CYP4Z1: variants seen among roughly 807,000 people sequenced by gnomAD.
The protein encoded by CYP4Z1 is cytochrome P450 4Z1.
Under a neutral mutation model 54.2 loss-of-function variants are expected in CYP4Z1, and 41 were observed. That is an observed-to-expected ratio of 0.76 (90% CI 0.59 to 0.98). The LOEUF (loss-of-function observed/expected upper bound fraction) is 0.98. Ranked by LOEUF, CYP4Z1 falls within the 50% of genes least tolerant of loss-of-function variation. The pLI is 0.00. For missense variants in CYP4Z1, 513 were observed against 599.0 expected, an observed-to-expected ratio of 0.86 and a Z score of 1.50; for synonymous variants, 163 against 206.2, an observed-to-expected ratio of 0.79 and a Z score of 1.79.
At chr1:47,105,923 G>C (rs559603972) in intron 8 of CYP4Z1, among the ~76,000 whole-genome samples, 17 of 152,076 alleles carry the variant, frequency 1.1e-4, no homozygotes, top group African/African-American at 1.7e-4. Context: ...ATCTGCGGGG[G>C]GGGGAGAATC....
At chr1:47,107,757 G>A (rs1021817194) in intron 9 of CYP4Z1, among the ~76,000 whole-genome samples, 9 of 151,232 alleles carry the variant, frequency 6.0e-5, no homozygotes, top group East Asian at 3.9e-4. Flanking sequence ...AAAATCCCCC[G>A]ACCCATACAA....
At chr1:47,104,917 C>CTT (rs34454678) in intron 8 of CYP4Z1, among the ~76,000 whole-genome samples, 1 of 149,932 alleles carries the variant, frequency 6.7e-6, no homozygotes, top group Non-Finnish European at 1.5e-5. Flanking sequence ...GCTGGGGCTG[C>CTT]TTTTTTTTTT....
intron 6 of CYP4Z1, among the ~76,000 whole-genome samples, chr1:47,092,654 T>C: frequency 6.6e-6 from 1 of 152,266 alleles, no homozygotes; most frequent in East Asian, 1.9e-4. Flanking sequence ...GTTTTTGCTA[T>C]TTCTTCACTT....
intron 2 of CYP4Z1, among the ~76,000 whole-genome samples, chr1:47,077,511 C>G (rs1448823346): frequency 1.3e-5 from 2 of 152,040 alleles, no homozygotes; most frequent in Non-Finnish European, 2.9e-5. Flanking sequence ...TTTTTTTACT[C>G]CATTCTGCCA....
chr1:47,057,335 A>AAAAAAAAAAAAAAATAT, the CYP4Z1 span, among the ~76,000 whole-genome samples: 10 of 28,456 alleles, frequency 3.5e-4, no homozygotes, highest in Non-Finnish European at 5.1e-4. Context: ...AAGAAAAAAA[A>AAAAAAAAAAAAAAATAT]ATATATATAT....
At chr1:47,084,469 G>A (rs1644577094) in intron 4 of CYP4Z1, 151 bp from the exon 5 acceptor site, 2 of 1,026,686 alleles carry the variant, frequency 1.9e-6, no homozygotes, top group South Asian at 1.7e-5. Context: ...CTGACAAGGT[G>A]TTTCATTTTA....
intron 6 of CYP4Z1, among the ~76,000 whole-genome samples, chr1:47,087,566 G>A (rs1359546975): frequency 6.6e-6 from 1 of 152,190 alleles, no homozygotes; most frequent in South Asian, 2.1e-4. Context: ...CTTTGCTGAA[G>A]TTGCTTATCA....
intron 9 of CYP4Z1, among the ~76,000 whole-genome samples, chr1:47,113,679 C>G (rs1333225785): frequency 2.0e-5 from 3 of 152,102 alleles, no homozygotes; most frequent in Admixed American, 1.3e-4. Context: ...AAATCATGAG[C>G]GAACTCCCAT....
chr1:47,115,334 A>C, intron 9 of CYP4Z1, 195 bp from the exon 10 acceptor site: 1 of 468,028 alleles, frequency 2.1e-6, no homozygotes, highest in Non-Finnish European at 3.9e-6. Context: ...ATTAGGAGAT[A>C]TACCTAATGT....
In CYP4Z1 at chr1:47,106,271, C is replaced by CTTTT; in HGVS notation, c.1201+23_1201+26dup. The stretch of plus-strand genomic sequence containing the variant: ...CGCTCCTTACCTGCAGGTCTTAAAA[C>CTTTT]TTTTTTTTTTTTTTTTAACAATGCA... On this transcript the variant is annotated intron_variant, in intron 9 of 11. Transcript: ENST00000334194. The CTTTT allele has an allele frequency of 2.6e-6, 4 of 1,514,510 alleles. No homozygotes were observed. The highest frequency in any genetic ancestry group is 3.6e-6 in the Non-Finnish European group (4 of 1,123,476). The allele number at this position is 1,514,510 out of a possible 1,614,324, so 93.8% of individuals were successfully genotyped here.
At chr1:47,103,620 G>A (rs10890456) in intron 8 of CYP4Z1, among the ~76,000 whole-genome samples, 55,603 of 120,540 alleles carry the variant, frequency 0.46, 12,703 homozygotes, top group East Asian at 0.96. Context: ...TTTAGACAGA[G>A]TTTTGCTCTT....
At chr1:47,093,826 C>T (rs1196873662) in intron 6 of CYP4Z1, among the ~76,000 whole-genome samples, 5 of 152,218 alleles carry the variant, frequency 3.3e-5, no homozygotes, top group Non-Finnish European at 2.9e-5. Context: ...TGGAAAGCCA[C>T]AACGTACTGC....
intron 6 of CYP4Z1, among the ~76,000 whole-genome samples, chr1:47,090,282 A>C (rs1348941165): frequency 6.6e-6 from 1 of 152,248 alleles, no homozygotes; most frequent in Non-Finnish European, 1.5e-5. Context: ...CCTTGACTAA[A>C]TCTTTCCTGC....
chr1:47,107,724 A>G (rs1053162511), intron 9 of CYP4Z1, among the ~76,000 whole-genome samples: 1 of 152,086 alleles, frequency 6.6e-6, no homozygotes, highest in Non-Finnish European at 1.5e-5. Context: ...AGATCACCTA[A>G]GCCCTGTAAT....
chr1:47,117,647 C>CA, intron 11 of CYP4Z1, 119 bp from the exon 12 acceptor site: 1 of 1,073,914 alleles, frequency 9.3e-7, no homozygotes, highest in South Asian at 2.2e-5. Context: ...AGCAGGATGA[C>CA]AGAAAAAAAA....
chr1:47,067,104 TAAAC>T (rs1342386175), upstream of CYP4Z1, among the ~76,000 whole-genome samples: 1 of 151,976 alleles, frequency 6.6e-6, no homozygotes, highest in African/African-American at 2.4e-5. Flanking sequence ...ATCAGAAACA[TAAAC>T]AAAAAAGAAC....
intron 6 of CYP4Z1, among the ~76,000 whole-genome samples, chr1:47,087,018 A>G (rs547314182): frequency 6.6e-5 from 10 of 151,976 alleles, no homozygotes; most frequent in Non-Finnish European, 1.5e-4. Flanking sequence ...GTGTGGTATT[A>G]TTTCTGAGGG....
In CYP4Z1 at chr1:47,106,205, T is replaced by C; in HGVS notation, c.1145T>C (p.Ile382Thr). 1 of 1,613,572 alleles carries C rather than the reference T, an allele frequency of 6.2e-7. No homozygotes were observed. The highest frequency in any genetic ancestry group is 8.5e-7 in the Non-Finnish European group (1 of 1,179,860). ...CGCCTCTACGCACCGGTAGTAAACA[T>C]ATCCCGGTTACTCGACAAACCCATC... ...CLRLYAPVVN[I>T]SRLLDKPITF... The change falls in exon 9 of 12, where the codon ATA (isoleucine) becomes ACA (threonine). Residue 382 changes from isoleucine to threonine, a missense_variant. Ile to Thr is a moderately conservative substitution (Grantham distance 89, BLOSUM62 -1). Coordinates refer to ENST00000334194, the MANE Select transcript of CYP4Z1 (RefSeq NM_178134.3).
chr1:47,063,500 G>A (rs1215428134), upstream of CYP4Z1, among the ~76,000 whole-genome samples: 1 of 151,930 alleles, frequency 6.6e-6, no homozygotes, highest in South Asian at 2.1e-4. Flanking sequence ...CATGATACAG[G>A]ATATGAAAGG....
Sources: allele counts gnomAD v4.1 joint callset (sites outside exome capture counted in the v4.1 genomes callset), GRCh38; gene constraint gnomAD v4.1.1; transcripts MANE v1.5; gene names NCBI Gene and HGNC (gene_info 2026-07-23, HGNC 2026-07-21).